RIMS1: variants seen among roughly 807,000 people sequenced by gnomAD.
RIMS1 encodes regulating synaptic membrane exocytosis protein 1.
RIMS1 carries 83 observed loss-of-function variants against 214.1 expected under a neutral mutation model. The observed-to-expected ratio is 0.39, with a 90% confidence interval of 0.32 to 0.47. RIMS1 has a LOEUF of 0.47. Among genes scored for constraint, RIMS1 ranks in the 20% least tolerant of loss-of-function variants. RIMS1 has a pLI of 0.99. For synonymous variants in RIMS1, 793 were observed against 786.8 expected (o/e 1.01, Z -0.13); for missense variants, 2,050 against 2,161.8 (o/e 0.95, Z 1.03).
intron 1 of RIMS1, among the ~76,000 whole-genome samples, chr6:71,947,882 A>G (rs529934830): frequency 6.6e-6 from 1 of 152,280 alleles, no homozygotes; most frequent in East Asian, 1.9e-4. Context: ...AATGTACTAT[A>G]TATCATAGTA....
intron 33 of RIMS1, 68 bp downstream of exon 33, chr6:72,399,162 C>A: frequency 1.5e-6 from 2 of 1,322,406 alleles, no homozygotes; most frequent in South Asian, 2.0e-5. Context: ...AAGAGATGGT[C>A]AAACACAAAG....
chr6:72,149,168 C>T (rs968155064), intron 4 of RIMS1, among the ~76,000 whole-genome samples: 2 of 152,182 alleles, frequency 1.3e-5, no homozygotes, highest in African/African-American at 4.8e-5. Context: ...GCTGCATCCT[C>T]CCTGTTTCTA....
At chr6:71,979,157 A>G (rs1011793192) in intron 2 of RIMS1, among the ~76,000 whole-genome samples, 4 of 152,052 alleles carry the variant, frequency 2.6e-5, no homozygotes, top group African/African-American at 9.7e-5. Context: ...CTTGACTATT[A>G]AAAGCATTTA....
At chr6:72,061,247 T>C (rs1438053567) in intron 2 of RIMS1, among the ~76,000 whole-genome samples, 1 of 152,194 alleles carries the variant, frequency 6.6e-6, no homozygotes, top group African/African-American at 2.4e-5. Context: ...ATTATAATAC[T>C]ATCATATACA....
chr6:72,173,425 C>T (rs187829407), intron 4 of RIMS1, among the ~76,000 whole-genome samples: 63 of 151,762 alleles, frequency 4.2e-4, no homozygotes, highest in Middle Eastern at 3.5e-3. Flanking sequence ...TTCTTTTTTT[C>T]TAGAACTTTT....
intron 16 of RIMS1, among the ~76,000 whole-genome samples, chr6:72,253,657 A>T (rs1425442339): frequency 1.3e-5 from 2 of 152,142 alleles, no homozygotes; most frequent in South Asian, 4.1e-4. Context: ...TATGCCCTTG[A>T]TATATATGCC....
chr6:72,002,642 C>T (rs960078125), intron 2 of RIMS1, among the ~76,000 whole-genome samples: 2 of 152,106 alleles, frequency 1.3e-5, no homozygotes, highest in African/African-American at 4.8e-5. Context: ...AAAGCTTGTG[C>T]ATTCAGAAAC....
chr6:72,398,336 C>T lies in RIMS1; in HGVS notation c.4706C>T (p.Ser1569Phe), dbSNP rs1350718794. 2 of 1,602,490 alleles carry T rather than the reference C, an allele frequency of 1.2e-6. No individual in the cohort carries two copies. The highest frequency in any genetic ancestry group is 1.7e-6 in the Non-Finnish European group (2 of 1,173,948). The change falls in exon 32 of 34, where the codon TCC becomes TTC. Residue 1569 changes from serine (S) to phenylalanine (F), a missense_variant. Physicochemically the swap from Ser to Phe is radical, Grantham distance 155. Transcript: ENST00000521978. ...CGAAGCCTCACACAAAAGCCTGGTT[C>T]CAAATCTACACCTGGTAAGGAGAAG... Reference protein sequence around the residue: ...RARSLTQKPGSKSTPAPYVKV... With the variant: ...RARSLTQKPGFKSTPAPYVKV...
chr6:72,154,453 A>G lies in RIMS1; in HGVS notation c.472-25122A>G, dbSNP rs141750051. 8.5e-5 allele frequency among the ~76,000 whole-genome samples: 12 copies of G among 141,356 alleles called. 1 individual carries two copies. In the East Asian group the frequency reaches 2.2e-3, roughly 26 times the overall value. 92.7% of individuals were successfully genotyped at this position (141,356 alleles called of 152,430 possible). On this transcript the variant is annotated intron_variant, in intron 4 of 33. Transcript: ENST00000521978. ...AAAACAATGATCAAAATAGCAAAAA[A>G]TCTAAAGACTAATGTAAAGGCAAAA...
chr6:72,380,769 C>T (rs2098472955), intron 29 of RIMS1, among the ~76,000 whole-genome samples: 2 of 152,018 alleles, frequency 1.3e-5, no homozygotes, highest in South Asian at 4.2e-4. Context: ...CAGACTCAAG[C>T]AATCCTCCCA....
intron 9 of RIMS1, among the ~76,000 whole-genome samples, chr6:72,241,578 A>T (rs887383651): frequency 6.6e-6 from 1 of 152,052 alleles, no homozygotes; most frequent in African/African-American, 2.4e-5. Flanking sequence ...TTTAACAACT[A>T]TGTACTGTAT....
chr6:72,276,651 T>G (rs1324815793), intron 23 of RIMS1, among the ~76,000 whole-genome samples: 1 of 152,124 alleles, frequency 6.6e-6, no homozygotes, highest in Non-Finnish European at 1.5e-5. Context: ...ATAAATACAC[T>G]TTACATCTCT....
intron 6 of RIMS1, among the ~76,000 whole-genome samples, chr6:72,226,921 A>C (rs997840957): frequency 1.3e-5 from 2 of 152,076 alleles, no homozygotes; most frequent in African/African-American, 4.8e-5. Context: ...ACAATTCACA[A>C]TACTGACATA....
intron 1 of RIMS1, among the ~76,000 whole-genome samples, chr6:71,934,167 T>C (rs546115756): frequency 6.6e-6 from 1 of 152,320 alleles, no homozygotes; most frequent in East Asian, 1.9e-4. Context: ...AAGAGTTCCC[T>C]AGAGCACTTT....
At chr6:72,080,194 G>A (rs1442347400) in intron 2 of RIMS1, among the ~76,000 whole-genome samples, 2 of 149,752 alleles carry the variant, frequency 1.3e-5, no homozygotes, top group East Asian at 4.0e-4. Flanking sequence ...AACCCGGGAG[G>A]CAGAGGTTGC....
At chr6:72,172,429 G>A (rs1356537439) in intron 4 of RIMS1, among the ~76,000 whole-genome samples, 1 of 152,088 alleles carries the variant, frequency 6.6e-6, no homozygotes, top group Non-Finnish European at 1.5e-5. Flanking sequence ...GAGAGACAAG[G>A]CACTATTAAG....
intron 4 of RIMS1, among the ~76,000 whole-genome samples, chr6:72,133,078 T>C (rs1252056728): frequency 6.6e-6 from 1 of 152,156 alleles, no homozygotes; most frequent in African/African-American, 2.4e-5. Context: ...GAATGCTGTC[T>C]GAAAAACAGA....
intron 29 of RIMS1, among the ~76,000 whole-genome samples, chr6:72,377,968 A>C (rs1389246951): frequency 6.6e-6 from 1 of 152,236 alleles, no homozygotes; most frequent in Admixed American, 6.5e-5. Flanking sequence ...GTATACTTAC[A>C]CATGCTGTCT....
intron 2 of RIMS1, among the ~76,000 whole-genome samples, chr6:71,992,589 TCTCCTC>T (rs1175530310): frequency 7.1e-6 from 1 of 140,006 alleles, no homozygotes; most frequent in Non-Finnish European, 1.5e-5. Context: ...CTCTTCTCCT[TCTCCTC>T]CTCCTTCTCC....
Sources: gnomAD v4.1 joint callset for allele counts (sites outside exome capture counted in the v4.1 genomes callset) on GRCh38, gnomAD v4.1.1 for gene constraint, MANE v1.5 for transcripts, NCBI Gene and HGNC (gene_info 2026-07-23, HGNC 2026-07-21) for gene names.